The following CARD19 variants were observed in gnomAD, a reference collection of about 807,000 sequenced individuals.
CARD19 encodes caspase recruitment domain-containing protein 19.
Under a neutral mutation model 24.1 loss-of-function variants are expected in CARD19, and 25 were observed. That is an observed-to-expected ratio of 1.04 (90% CI 0.76 to 1.45). CARD19 has a LOEUF of 1.45. Ranked by LOEUF, CARD19 falls within the 40% of genes most tolerant of loss-of-function variation. The pLI is 0.00. For synonymous variants in CARD19, 103 were observed against 104.9 expected (o/e 0.98, Z 0.11); for missense variants, 241 against 247.4 (o/e 0.97, Z 0.17).
chr9:93,104,560 T>G (rs1203522337), intron 1 of CARD19, among the ~76,000 whole-genome samples: 2 of 152,336 alleles, frequency 1.3e-5, no homozygotes, highest in East Asian at 3.9e-4. Flanking sequence ...TTTAAATATA[T>G]GGTAGAATTA....
intron 1 of CARD19, 28 bp from the exon 2 acceptor site, chr9:93,107,646 G>C (rs1281509612): frequency 1.2e-6 from 2 of 1,613,608 alleles, no homozygotes; most frequent in Non-Finnish European, 1.7e-6. Context: ...GGCTGTGCTG[G>C]CTCATGACCC....
In CARD19 at chr9:93,110,666, C is replaced by T; in HGVS notation, c.249C>T (p.Ala83=). The T allele has an allele frequency of 6.2e-7, 1 of 1,613,576 alleles. No individual in the cohort carries two copies. The highest frequency in any genetic ancestry group is 8.5e-7 in the Non-Finnish European group (1 of 1,180,020). The change falls in exon 3 of 6, where the codon GCC becomes GCT. Residue 83 remains alanine (A), a synonymous_variant. Coordinates refer to ENST00000375464, the MANE Select transcript of CARD19 (RefSeq NM_032310.5). ...GERDCQEFYR[A]LYIHAQPLHS... is the part of the protein sequence containing the mutation. ...GGGACTGCCAGGAGTTCTACCGAGC[C>T]CTGTATATCCATGCCCAGCCCCTGC...
chr9:93,112,603 C>T (rs371831958), intron 5 of CARD19, among the ~76,000 whole-genome samples: 1 of 152,202 alleles, frequency 6.6e-6, no homozygotes, highest in Non-Finnish European at 1.5e-5. Context: ...GGCCCTTGAG[C>T]AGGTCACGTG....
At chr9:93,107,533 G>A in intron 1 of CARD19, 141 bp from the exon 2 acceptor site, 1 of 908,126 alleles carries the variant, frequency 1.1e-6, no homozygotes, top group Non-Finnish European at 1.7e-6. Flanking sequence ...AGGCTGGGAT[G>A]GCTGTGATTC....
Position 93,110,653 on chromosome 9 carries a change from A to C in CARD19, c.236A>C (p.Glu79Ala). 6.2e-7 allele frequency: 1 copy of C among 1,613,726 alleles called. No individual in the cohort carries two copies. Among genetic ancestry groups the C allele is most frequent in the Non-Finnish European group, 8.5e-7 (1 of 1,180,018 alleles). The change falls in exon 3 of 6, where the codon GAG (glutamate) becomes GCG (alanine). Residue 79 changes from glutamate to alanine, a missense_variant. By Grantham distance (107) the Glu-to-Ala change is moderately radical. Coordinates refer to ENST00000375464, the MANE Select transcript of CARD19 (RefSeq NM_032310.5). ...CGGAGCGGTGAGCGGGACTGCCAGG[A>C]GTTCTACCGAGCCCTGTATATCCAT... ...LQRSGERDCQ[E>A]FYRALYIHAQ...
intron 5 of CARD19, 84 bp from the exon 6 acceptor site, chr9:93,112,904 TCCCA>T: frequency 2.3e-6 from 2 of 885,470 alleles, no homozygotes; most frequent in Non-Finnish European, 3.5e-6. Context: ...CAGTGCCTGT[TCCCA>T]CCCACCCCCG....
chr9:93,097,542 A>G (rs1826924688), intron 1 of CARD19, among the ~76,000 whole-genome samples: 1 of 152,152 alleles, frequency 6.6e-6, no homozygotes, highest in Non-Finnish European at 1.5e-5. Flanking sequence ...ATGGGGAAAC[A>G]AAGTCTTAAA....
At chr9:93,100,171 G>T (rs1292522736) in intron 1 of CARD19, among the ~76,000 whole-genome samples, 1 of 152,212 alleles carries the variant, frequency 6.6e-6, no homozygotes. Context: ...CACATTCTGG[G>T]GTACAGAAAG....
rs201531016 is a variant in CARD19, at chr9:93,107,707, C to T, written c.41C>T (p.Thr14Met). 5.3e-5 allele frequency: 85 copies of T among 1,614,120 alleles called. No homozygotes were observed. Among genetic ancestry groups the T allele is most frequent in the Non-Finnish European group, 6.0e-5 (71 of 1,180,044 alleles). Reference sequence around the variant, plus strand: ...TATTGTGACCGCCTGGTGCAGGACACGCCTTTCCTGACAGGCCATGGGCGC... The same window carrying T: ...TATTGTGACCGCCTGGTGCAGGACATGCCTTTCCTGACAGGCCATGGGCGC... ...QTYCDRLVQD[T>M]PFLTGHGRLS... The change falls in exon 2 of 6, where the codon ACG (threonine) becomes ATG (methionine). Residue 14 changes from threonine (T) to methionine (M), a missense_variant. Coordinates refer to ENST00000375464, the MANE Select transcript of CARD19 (RefSeq NM_032310.5).
chr9:93,111,848 G>C (rs200886847), intron 3 of CARD19, 31 bp from the exon 4 acceptor site: 1 of 1,606,096 alleles, frequency 6.2e-7, no homozygotes, highest in Admixed American at 1.7e-5. Context: ...CCTGCCCGTT[G>C]ACTAACTATG....
intron 5 of CARD19, 32 bp from the exon 6 acceptor site, chr9:93,112,960 C>A: frequency 6.6e-7 from 1 of 1,509,800 alleles, no homozygotes; most frequent in South Asian, 1.2e-5. Context: ...GGGACTGGTT[C>A]TTGAGCTTTT....
rs758074464 is a variant in CARD19, at chr9:93,110,659, A to T, written c.242A>T (p.Tyr81Phe). 4 of 1,613,584 alleles carry T rather than the reference A, an allele frequency of 2.5e-6. No homozygotes were observed. Among genetic ancestry groups the T allele is most frequent in the Non-Finnish European group, 3.4e-6 (4 of 1,180,000 alleles). Residue 81 changes from tyrosine to phenylalanine, a missense_variant, in exon 3 of 6, where the codon TAC becomes TTC. By Grantham distance (22) the Tyr-to-Phe change is conservative (BLOSUM62 3). Coordinates refer to ENST00000375464, the MANE Select transcript of CARD19 (RefSeq NM_032310.5). ...RSGERDCQEFYRALYIHAQPL... is the reference protein window; with the variant it reads ...RSGERDCQEFFRALYIHAQPL... ...GGTGAGCGGGACTGCCAGGAGTTCT[A>T]CCGAGCCCTGTATATCCATGCCCAG...
At chr9:93,104,741 C>T (rs376504861) in intron 1 of CARD19, among the ~76,000 whole-genome samples, 3 of 152,152 alleles carry the variant, frequency 2.0e-5, no homozygotes, top group Admixed American at 6.5e-5. Context: ...TATTGGTATA[C>T]AAATGTTCAT....
At chr9:93,101,445 CTTT>C (rs748181911) in intron 1 of CARD19, among the ~76,000 whole-genome samples, 2 of 129,088 alleles carry the variant, frequency 1.5e-5, no homozygotes, top group Non-Finnish European at 3.4e-5. Context: ...CACGGTAATT[CTTT>C]TTTTTTTTTT....
chr9:93,107,735 G>A lies in CARD19; in HGVS notation c.69G>A (p.Leu23=). 1 of 1,614,256 alleles carries A rather than the reference G, an allele frequency of 6.2e-7. No individual in the cohort carries two copies. Among genetic ancestry groups the A allele is most frequent in the Non-Finnish European group, 8.5e-7 (1 of 1,180,038 alleles). ...CTTTCCTGACAGGCCATGGGCGCTT[G>A]AGTGAGCAGCAGGTGGACAGGATCA... The part of the protein sequence containing the change: ...DTPFLTGHGR[L]SEQQVDRIIL... The change falls in exon 2 of 6, where the codon TTG becomes TTA. Residue 23 remains leucine, a synonymous_variant. Transcript: ENST00000375464.
intron 1 of CARD19, among the ~76,000 whole-genome samples, chr9:93,103,357 C>G (rs907417838): frequency 6.6e-6 from 1 of 152,178 alleles, no homozygotes; most frequent in African/African-American, 2.4e-5. Context: ...ATATAAAGTG[C>G]TATAATATTT....
chr9:93,111,435 G>C (rs1361635436), intron 3 of CARD19: 1 of 1,073,828 alleles, frequency 9.3e-7, no homozygotes, highest in Non-Finnish European at 1.1e-6. Context: ...GAGACCAGAG[G>C]GACTGGGCGG....
chr9:93,103,981 A>G (rs1444431069), intron 1 of CARD19, among the ~76,000 whole-genome samples: 2 of 152,236 alleles, frequency 1.3e-5, no homozygotes, highest in Non-Finnish European at 2.9e-5. Context: ...CATTCAAACC[A>G]TAGCATCTTC....
chr9:93,110,304 C>A, intron 2 of CARD19: 1 of 498,758 alleles, frequency 2.0e-6, no homozygotes, highest in South Asian at 3.0e-5. Flanking sequence ...CAGCCCCATG[C>A]TTTCTTTGTG....
Sources: gnomAD v4.1 joint callset for allele counts (sites outside exome capture counted in the v4.1 genomes callset) on GRCh38, gnomAD v4.1.1 for gene constraint, MANE v1.5 for transcripts, NCBI Gene and HGNC (gene_info 2026-07-23, HGNC 2026-07-21) for gene names.